The following DACH1 variants were observed in gnomAD, a reference collection of about 807,000 sequenced individuals.
DACH1 encodes dachshund homolog 1.
Under a neutral mutation model 54.2 loss-of-function variants are expected in DACH1, and 12 were observed. The ratio of observed to expected loss-of-function variants is 0.22; its 90% CI spans 0.14 to 0.36. DACH1 has a LOEUF of 0.36. Ranked by LOEUF, DACH1 falls within the 10% of genes least tolerant of loss-of-function variation. DACH1 has a pLI of 1.00. For missense variants in DACH1, 805 were observed against 929.8 expected (o/e 0.87, Z 1.75); for synonymous variants, 386 against 366.2 (o/e 1.05, Z -0.62).
Position 71,479,266 on chromosome 13 carries a change from G to A in DACH1, c.1773C>T (p.Val591=). Residue 591 remains valine (V), a synonymous_variant, in exon 8 of 11, where the codon GTC becomes GTT. Coordinates refer to ENST00000613252, the MANE Select transcript of DACH1 (RefSeq NM_080759.6). Reference sequence around the variant, plus strand: ...TCTTCAGCTCAGTTTTTTCCAGTTGGACCTGTTTCTCTTGAGCTCTGGCAT... The same window carrying A: ...TCTTCAGCTCAGTTTTTTCCAGTTGAACCTGTTTCTCTTGAGCTCTGGCAT... ...IDNARAQEKQ[V]QLEKTELKMD... 1.2e-6 allele frequency: 2 copies of A among 1,613,166 alleles called. No homozygotes were observed.
intron 1 of DACH1, among the ~76,000 whole-genome samples, chr13:71,691,277 C>T (rs978720804): frequency 1.3e-5 from 2 of 152,070 alleles, no homozygotes; most frequent in Non-Finnish European, 2.9e-5. Context: ...GCTGCTTTTC[C>T]AAATGTTTTT....
At chr13:71,565,990 T>C (rs1884872955) in intron 4 of DACH1, among the ~76,000 whole-genome samples, 1 of 152,140 alleles carries the variant, frequency 6.6e-6, no homozygotes, top group African/African-American at 2.4e-5. Flanking sequence ...AATTAAAAGG[T>C]AGGACTTCTT....
intron 3 of DACH1, among the ~76,000 whole-genome samples, chr13:71,595,873 A>C (rs1211536792): frequency 2.0e-5 from 3 of 152,158 alleles, no homozygotes; most frequent in Non-Finnish European, 4.4e-5. Context: ...ATTGAGATTA[A>C]GGTTTCAACA....
intron 1 of DACH1, among the ~76,000 whole-genome samples, chr13:71,815,119 G>C (rs1336229032): frequency 6.6e-6 from 1 of 152,174 alleles, no homozygotes; most frequent in African/African-American, 2.4e-5. Flanking sequence ...CTGTATACCA[G>C]ATGCTTGACA....
In DACH1 at chr13:71,454,774, T is replaced by A. The variant is rs1165251007; in HGVS notation, c.2084-14082A>T. 2.6e-5 allele frequency among the ~76,000 whole-genome samples: 4 copies of A among 152,206 alleles called. No homozygotes were observed. The East Asian group carries it at 7.7e-4, about 29-fold the overall frequency. On this transcript the variant is annotated intron_variant, in intron 10 of 10. Transcript: ENST00000613252. ...GACTGTAGGCCTGCCAACACCTTCCTGTAGCCTGGGGTACCCAAAGCAGAA... is the reference window on the plus strand; with the variant it reads ...GACTGTAGGCCTGCCAACACCTTCCAGTAGCCTGGGGTACCCAAAGCAGAA...
chr13:71,585,248 A>G (rs1391715105), intron 3 of DACH1, among the ~76,000 whole-genome samples: 2 of 152,194 alleles, frequency 1.3e-5, no homozygotes, highest in Non-Finnish European at 2.9e-5. Flanking sequence ...CCAATTATGG[A>G]AGGATGAAAA....
At chr13:71,553,549 TTA>T (rs1188595454) in intron 6 of DACH1, among the ~76,000 whole-genome samples, 14 of 145,936 alleles carry the variant, frequency 9.6e-5, no homozygotes, top group East Asian at 3.9e-4. Context: ...AACTTTTGTT[TTA>T]TATATATATA....
chr13:71,568,283 G>A (rs968631933), intron 4 of DACH1, among the ~76,000 whole-genome samples: 4 of 152,010 alleles, frequency 2.6e-5, no homozygotes, highest in African/African-American at 9.7e-5. Context: ...AATGTACTGA[G>A]TCAGACATTC....
chr13:71,797,563 T>C (rs1887108430), intron 1 of DACH1, among the ~76,000 whole-genome samples: 1 of 152,102 alleles, frequency 6.6e-6, no homozygotes, highest in Non-Finnish European at 1.5e-5. Context: ...TTGTGTGCTA[T>C]GATTTGATTT....
At chr13:71,509,844 T>G (rs1880627163) in intron 6 of DACH1, among the ~76,000 whole-genome samples, 2 of 152,116 alleles carry the variant, frequency 1.3e-5, no homozygotes, top group Non-Finnish European at 2.9e-5. Context: ...TCCTTCTAAT[T>G]ATTGTTCCAG....
chr13:71,466,354 T>C (rs1288189745), intron 10 of DACH1, among the ~76,000 whole-genome samples: 4 of 152,216 alleles, frequency 2.6e-5, no homozygotes, highest in Non-Finnish European at 5.9e-5. Context: ...ACTTTATTTA[T>C]GCTAACAAGA....
intron 3 of DACH1, among the ~76,000 whole-genome samples, chr13:71,588,731 T>G (rs899904021): frequency 6.7e-6 from 1 of 150,238 alleles, no homozygotes; most frequent in Non-Finnish European, 1.5e-5. Flanking sequence ...ATAGAAACAC[T>G]AAGCCATTAA....
In DACH1 at chr13:71,489,058, G is replaced by C; in HGVS notation, c.1661C>G (p.Pro554Arg). Reference sequence around the variant, plus strand: ...TCCATCAGGAAACAGAAAAGGAGATGGAAAACCTGGAGGCAGTGGTTGTCC... The same window carrying C: ...TCCATCAGGAAACAGAAAAGGAGATCGAAAACCTGGAGGCAGTGGTTGTCC... The part of the protein sequence containing the change: ...GHGQPLPPGF[P>R]SPFLFPDGLS... Residue 554 changes from proline to arginine, a missense_variant, in exon 7 of 11, where the codon CCA becomes CGA. By Grantham distance (103) the Pro-to-Arg change is moderately radical. Transcript: ENST00000613252. 6.2e-7 allele frequency: 1 copy of C among 1,613,824 alleles called. No homozygotes were observed. The highest frequency in any genetic ancestry group is 8.5e-7 in the Non-Finnish European group (1 of 1,179,862).
At chr13:71,614,029 C>T (rs149737816) in intron 3 of DACH1, among the ~76,000 whole-genome samples, 322 of 152,258 alleles carry the variant, frequency 2.1e-3, no homozygotes, top group Non-Finnish European at 2.5e-3. Context: ...TTAAAGATTG[C>T]TATGTACTGA....
chr13:71,787,133 A>G (rs1886624669), intron 1 of DACH1, among the ~76,000 whole-genome samples: 1 of 152,176 alleles, frequency 6.6e-6, no homozygotes, highest in Admixed American at 6.6e-5. Context: ...AGGACAACAC[A>G]CTTTCAGATT....
At chr13:71,645,607 G>C (rs780107260) in intron 2 of DACH1, among the ~76,000 whole-genome samples, 12 of 152,152 alleles carry the variant, frequency 7.9e-5, no homozygotes, top group Non-Finnish European at 1.6e-4. Context: ...TAAGAATAAG[G>C]AAAGATCAAG....
intron 1 of DACH1, among the ~76,000 whole-genome samples, chr13:71,740,277 C>G (rs1389153187): frequency 6.6e-6 from 1 of 152,014 alleles, no homozygotes; most frequent in Non-Finnish European, 1.5e-5. Context: ...ATACTTCACT[C>G]TTTACAAGTC....
intron 10 of DACH1, among the ~76,000 whole-genome samples, chr13:71,466,887 A>G (rs1876630022): frequency 6.6e-6 from 1 of 151,488 alleles, no homozygotes; most frequent in African/African-American, 2.4e-5. Flanking sequence ...ATTACAAACT[A>G]AGCTCAATCA....
At chr13:71,670,501 G>A (rs959741093) in intron 2 of DACH1, among the ~76,000 whole-genome samples, 1 of 152,054 alleles carries the variant, frequency 6.6e-6, no homozygotes, top group Non-Finnish European at 1.5e-5. Flanking sequence ...AGTCTATAAA[G>A]AGAGTTCAGT....
Sources: gnomAD v4.1 joint callset for allele counts (sites outside exome capture counted in the v4.1 genomes callset) on GRCh38, gnomAD v4.1.1 for gene constraint, MANE v1.5 for transcripts, NCBI Gene and HGNC (gene_info 2026-07-23, HGNC 2026-07-21) for gene names.